MAGI1: variants seen among roughly 807,000 people sequenced by gnomAD.
MAGI1 encodes membrane associated guanylate kinase, WW and PDZ domain containing 1.
In MAGI1, 58 loss-of-function variants were observed where a neutral mutation model predicts 139.9. The ratio of observed to expected loss-of-function variants is 0.41; its 90% CI spans 0.34 to 0.52. The LOEUF is 0.52. Among genes scored for constraint, MAGI1 ranks in the 20% least tolerant of loss-of-function variants. The pLI, the probability that MAGI1 is intolerant of heterozygous loss-of-function variation, is 0.12. For missense variants in MAGI1, 1,874 were observed against 1,901.6 expected, an observed-to-expected ratio of 0.99 and a Z score of 0.27; for synonymous variants, 812 against 737.9, an observed-to-expected ratio of 1.10 and a Z score of -1.63.
chr3:65,520,595 A>G (rs2078108066), intron 2 of MAGI1, among the ~76,000 whole-genome samples: 1 of 152,178 alleles, frequency 6.6e-6, no homozygotes, highest in Non-Finnish European at 1.5e-5. Context: ...GTGAGCTATT[A>G]ATAGGATTGA....
intron 2 of MAGI1, among the ~76,000 whole-genome samples, chr3:65,519,834 G>A (rs1244039039): frequency 6.6e-6 from 1 of 152,214 alleles, no homozygotes; most frequent in Non-Finnish European, 1.5e-5. Flanking sequence ...TTAAGATGTG[G>A]AGTCCAATTC....
At chr3:65,678,924 G>A (rs934529149) in intron 1 of MAGI1, among the ~76,000 whole-genome samples, 1 of 152,070 alleles carries the variant, frequency 6.6e-6, no homozygotes, top group African/African-American at 2.4e-5. Flanking sequence ...TATCCGCATT[G>A]ACACCCAAAT....
intron 1 of MAGI1, among the ~76,000 whole-genome samples, chr3:65,760,572 T>C (rs1412920779): frequency 1.3e-5 from 2 of 151,998 alleles, no homozygotes; most frequent in African/African-American, 4.8e-5. Context: ...TACGCCCAAC[T>C]AATTGTTTTA....
chr3:66,015,148 G>A (rs995671861), intron 1 of MAGI1, among the ~76,000 whole-genome samples: 8 of 130,716 alleles, frequency 6.1e-5, no homozygotes, highest in Non-Finnish European at 6.2e-5. Flanking sequence ...TTCAAGACCA[G>A]CCTAGGCAAT....
intron 2 of MAGI1, among the ~76,000 whole-genome samples, chr3:65,612,316 T>G (rs1297819007): frequency 6.6e-6 from 1 of 152,014 alleles, no homozygotes; most frequent in Non-Finnish European, 1.5e-5. Context: ...TTACTAACGT[T>G]TTAACCTACC....
In MAGI1 at chr3:65,356,675, G is replaced by C; in HGVS notation, c.4092C>G (p.Asp1364Glu). 1.3e-6 allele frequency: 2 copies of C among 1,585,082 alleles called. No individual in the cohort carries two copies. Among genetic ancestry groups the C allele is most frequent in the Non-Finnish European group, 1.7e-6 (2 of 1,166,876 alleles). The change falls in exon 23 of 23, where the codon GAC becomes GAG. Residue 1364 changes from aspartate (D) to glutamate (E), a missense_variant. Physicochemically the swap from Asp to Glu is conservative, Grantham distance 45. Transcript: ENST00000402939. Reference sequence around the variant, plus strand: ...ACCGTCTCCGCCGGCTGGGGGAGCCGTCTCTCCTGCGGGTGGGTGACCGCT... The same window carrying C: ...ACCGTCTCCGCCGGCTGGGGGAGCCCTCTCTCCTGCGGGTGGGTGACCGCT... The part of the protein sequence containing the change: ...RRERSPTRRR[D>E]GSPSRRRRSL...
At chr3:65,862,974 G>A (rs2059604471) in intron 1 of MAGI1, among the ~76,000 whole-genome samples, 1 of 152,284 alleles carries the variant, frequency 6.6e-6, no homozygotes, top group East Asian at 1.9e-4. Context: ...CCCTAGCATG[G>A]CATTCAAGGT....
intron 14 of MAGI1, among the ~76,000 whole-genome samples, chr3:65,386,269 G>C (rs1015438091): frequency 6.7e-6 from 1 of 148,228 alleles, no homozygotes; most frequent in South Asian, 2.1e-4. Context: ...AAAAAGCTTC[G>C]TTTCCTTCTG....
chr3:65,759,936 C>T (rs1304372787), intron 1 of MAGI1, among the ~76,000 whole-genome samples: 1 of 152,126 alleles, frequency 6.6e-6, no homozygotes, highest in Non-Finnish European at 1.5e-5. Context: ...GTAACTAGCC[C>T]TGACTATTAG....
chr3:65,818,508 A>G (rs981055578), intron 1 of MAGI1, among the ~76,000 whole-genome samples: 1 of 152,210 alleles, frequency 6.6e-6, no homozygotes, highest in Admixed American at 6.5e-5. Context: ...CAGCCCAAAC[A>G]GTGAATCCAC....
At chr3:65,954,913 T>A (rs1281560482) in intron 1 of MAGI1, among the ~76,000 whole-genome samples, 1 of 152,170 alleles carries the variant, frequency 6.6e-6, no homozygotes, top group Non-Finnish European at 1.5e-5. Flanking sequence ...ATTCTGAACA[T>A]AACCCTCATA....
chr3:65,812,694 GTTTAC>G (rs2041343855), intron 1 of MAGI1, among the ~76,000 whole-genome samples: 1 of 116,438 alleles, frequency 8.6e-6, no homozygotes. Context: ...GTTAAAGTTA[GTTTAC>G]TTTTTTTTTT....
intron 18 of MAGI1, chr3:65,371,975 T>C (rs1942047528): frequency 2.5e-6 from 1 of 393,140 alleles, no homozygotes. Context: ...AAGTCATCCA[T>C]GAAGGTTGGA....
intron 5 of MAGI1, among the ~76,000 whole-genome samples, chr3:65,460,194 T>A (rs1353775405): frequency 6.6e-6 from 1 of 152,248 alleles, no homozygotes; most frequent in Non-Finnish European, 1.5e-5. Flanking sequence ...GTTACACTGA[T>A]TGATTTATTT....
rs576988828 is a variant in MAGI1, at chr3:65,524,184, T to C, written c.431-30553A>G. Among the ~76,000 whole-genome samples the C allele has an allele frequency of 1.4e-4, 22 of 152,324 alleles. No individual in the cohort carries two copies. The South Asian group carries it at 3.9e-3, about 27-fold the overall frequency. ...ATCTTTCACAACGAACATTTTACTA[T>C]GTACTCTCAAATCACAAAGTTGGTG... On this transcript the variant is annotated intron_variant, in intron 2 of 22. Transcript: ENST00000402939.
At position 65,892,350 on chromosome 3, in the gene MAGI1, A is replaced by T. The variant is rs189826347; in HGVS notation, c.313+145646T>A. 6.6e-5 allele frequency among the ~76,000 whole-genome samples: 10 copies of T among 152,328 alleles called. No homozygotes were observed. In the East Asian group the frequency reaches 1.2e-3, roughly 18 times the overall value. ...TGATCGTCTATATTTCAGAGAGGAA[A>T]GAAAAAGAGAAAACTTTGCATAACT... is the stretch of plus-strand genomic sequence containing the variant. On this transcript the variant is annotated intron_variant, in intron 1 of 22. Coordinates refer to ENST00000402939, the MANE Select transcript of MAGI1 (RefSeq NM_001033057.2).
At position 65,569,992 on chromosome 3, in the gene MAGI1, G is replaced by T. The variant is rs2080873436; in HGVS notation, c.430+51980C>A. 4.0e-5 allele frequency among the ~76,000 whole-genome samples: 6 copies of T among 150,932 alleles called. No individual in the cohort carries two copies. The South Asian group carries it at 1.3e-3, about 32-fold the overall frequency. ...AGGCAAGGAGGACTTTGCAACATTAGAAAGATGAGAGGTAGTATACTCTCT... is the reference window on the plus strand; with the variant it reads ...AGGCAAGGAGGACTTTGCAACATTATAAAGATGAGAGGTAGTATACTCTCT... On this transcript the variant is annotated intron_variant, in intron 2 of 22. Transcript: ENST00000402939.
Position 65,576,897 on chromosome 3 carries a change from A to G in MAGI1, c.430+45075T>C, listed in dbSNP as rs1010956840. On this transcript the variant is annotated intron_variant, in intron 2 of 22. Coordinates refer to ENST00000402939, the MANE Select transcript of MAGI1 (RefSeq NM_001033057.2). Reference sequence around the variant, plus strand: ...TCAGGACTAGAGATGATGTATGGTTACCCCTGGGATGTAGACTCCACAAAT... The same window carrying G: ...TCAGGACTAGAGATGATGTATGGTTGCCCCTGGGATGTAGACTCCACAAAT... Among the ~76,000 whole-genome samples, 11 of 152,288 alleles carry G rather than the reference A, an allele frequency of 7.2e-5. No individual in the cohort carries two copies. The South Asian group carries it at 1.2e-3, about 17-fold the overall frequency.
At chr3:65,758,529 A>C (rs2036736413) in intron 1 of MAGI1, among the ~76,000 whole-genome samples, 1 of 152,104 alleles carries the variant, frequency 6.6e-6, no homozygotes, top group Non-Finnish European at 1.5e-5. Context: ...ATGTTAAGTA[A>C]ATTAATTTCC....
Sources: allele counts gnomAD v4.1 joint callset (sites outside exome capture counted in the v4.1 genomes callset), GRCh38; gene constraint gnomAD v4.1.1; transcripts MANE v1.5; gene names NCBI Gene and HGNC (gene_info 2026-07-23, HGNC 2026-07-21).